The following MYO1E variants were observed in gnomAD, a reference collection of about 807,000 sequenced individuals.
MYO1E encodes myosin IE.
In MYO1E, 68 loss-of-function variants were observed where a neutral mutation model predicts 151.1. The observed-to-expected ratio is 0.45, with a 90% CI of 0.37 to 0.55. MYO1E has a LOEUF of 0.55. Ranked by LOEUF, MYO1E falls within the 20% of genes least tolerant of loss-of-function variation. The pLI, the probability that MYO1E is intolerant of heterozygous loss-of-function variation, is 0.00. For synonymous variants in MYO1E, 601 were observed against 501.7 expected (o/e 1.20, Z -2.64); for missense variants, 1,363 against 1,389.3 (o/e 0.98, Z 0.30).
In MYO1E at chr15:59,218,170, T is replaced by G. The variant is rs538894173; in HGVS notation, c.911-83A>C. On this transcript the variant is annotated intron_variant, in intron 9 of 27. Coordinates refer to ENST00000288235, the MANE Select transcript of MYO1E (RefSeq NM_004998.4). ...TCTCACAAACATATGGAGGCACTTA[T>G]GTGCACATGCACGTGTGTGTGCATA... 8 of 1,511,424 alleles carry G rather than the reference T, an allele frequency of 5.3e-6. No homozygotes were observed. In the African/African-American group the frequency reaches 9.6e-5, roughly 18 times the overall value. 93.6% of individuals were successfully genotyped at this position (1,511,424 alleles called of 1,614,324 possible). A position where few individuals can be genotyped will look rare whatever the true frequency, so the allele number is the denominator to read the frequency against.
At position 59,372,487 on chromosome 15, in the gene MYO1E, G is replaced by T; in HGVS notation, c.3+11C>A. On this transcript the variant is annotated intron_variant, in intron 1 of 27. Transcript: ENST00000288235. Reference sequence around the variant, plus strand: ...GGTCCGGCGTCCTAGGACGCGGCGCGGCCAACTCACCATGGTGACTCGCGC... The same window carrying T: ...GGTCCGGCGTCCTAGGACGCGGCGCTGCCAACTCACCATGGTGACTCGCGC... The T allele has an allele frequency of 6.5e-7, 1 of 1,539,104 alleles. No homozygotes were observed. Among genetic ancestry groups the T allele is most frequent in the Non-Finnish European group, 8.7e-7 (1 of 1,145,148 alleles).
intron 4 of MYO1E, among the ~76,000 whole-genome samples, chr15:59,246,029 A>AT (rs2140363742): frequency 1.3e-5 from 2 of 152,338 alleles, no homozygotes; most frequent in African/African-American, 4.8e-5. Flanking sequence ...AGCTAAGCAG[A>AT]TATGGGTGGC....
At chr15:59,143,371 G>C (rs1199814898) in intron 26 of MYO1E, among the ~76,000 whole-genome samples, 1 of 152,138 alleles carries the variant, frequency 6.6e-6, no homozygotes, top group East Asian at 1.9e-4. Flanking sequence ...GGAGGAGGGA[G>C]GACCTCTGCA....
At chr15:59,258,959 T>C (rs2080209944) in intron 3 of MYO1E, among the ~76,000 whole-genome samples, 1 of 151,914 alleles carries the variant, frequency 6.6e-6, no homozygotes, top group Non-Finnish European at 1.5e-5. Context: ...CTCTTGTTTT[T>C]TTTTGTTTTT....
At chr15:59,237,910 G>T (rs1383612937) in intron 4 of MYO1E, among the ~76,000 whole-genome samples, 1 of 152,170 alleles carries the variant, frequency 6.6e-6, no homozygotes, top group African/African-American at 2.4e-5. Context: ...GAATTTCCTT[G>T]AACTAATAAT....
intron 4 of MYO1E, among the ~76,000 whole-genome samples, chr15:59,255,838 C>T (rs1248882156): frequency 6.6e-6 from 1 of 152,210 alleles, no homozygotes; most frequent in African/African-American, 2.4e-5. Context: ...GACTTAAACC[C>T]AGCCAGGATT....
intron 1 of MYO1E, among the ~76,000 whole-genome samples, chr15:59,311,204 A>G (rs1436144983): frequency 6.6e-6 from 1 of 152,062 alleles, no homozygotes; most frequent in Non-Finnish European, 1.5e-5. Flanking sequence ...GACACCAGGG[A>G]CAGGTTTTGT....
intron 4 of MYO1E, among the ~76,000 whole-genome samples, chr15:59,238,244 C>G (rs1272084626): frequency 1.3e-5 from 2 of 152,278 alleles, no homozygotes; most frequent in East Asian, 3.9e-4. Context: ...TTACTAGATC[C>G]AGGGTCAACA....
chr15:59,258,340 G>A (rs1187762770), intron 3 of MYO1E, among the ~76,000 whole-genome samples: 3 of 152,186 alleles, frequency 2.0e-5, no homozygotes, highest in South Asian at 2.1e-4. Flanking sequence ...GCGAGACTCC[G>A]TCTCAAAACA....
chr15:59,244,478 A>C (rs1332702988), intron 4 of MYO1E, among the ~76,000 whole-genome samples: 1 of 152,222 alleles, frequency 6.6e-6, no homozygotes, highest in African/African-American at 2.4e-5. Context: ...AGATGAAGTA[A>C]CTGAGGCTTG....
intron 12 of MYO1E, among the ~76,000 whole-genome samples, chr15:59,213,114 G>A (rs2079889900): frequency 6.7e-6 from 1 of 149,022 alleles, no homozygotes; most frequent in Non-Finnish European, 1.5e-5. Context: ...AGGAAACAAT[G>A]GAAACTGCAC....
chr15:59,361,528 G>T (rs1198580399), intron 1 of MYO1E, among the ~76,000 whole-genome samples: 2 of 152,156 alleles, frequency 1.3e-5, no homozygotes, highest in African/African-American at 4.8e-5. Context: ...AATGTTAGTT[G>T]TAATTCTTGG....
chr15:59,240,763 C>T (rs1023792830), intron 4 of MYO1E, among the ~76,000 whole-genome samples: 4 of 152,144 alleles, frequency 2.6e-5, no homozygotes, highest in Non-Finnish European at 5.9e-5. Context: ...GCTGAATCAA[C>T]GTAATTGAAA....
At chr15:59,198,722 G>C (rs141135748) in intron 16 of MYO1E, among the ~76,000 whole-genome samples, 47 of 152,204 alleles carry the variant, frequency 3.1e-4, no homozygotes, top group African/African-American at 1.1e-3. Flanking sequence ...GGGAGGATGA[G>C]GCAGGAGGAT....
intron 1 of MYO1E, among the ~76,000 whole-genome samples, chr15:59,369,960 C>G (rs1253352062): frequency 2.0e-5 from 3 of 151,948 alleles, no homozygotes; most frequent in Admixed American, 6.6e-5. Flanking sequence ...CAAGGGCCTT[C>G]TTTTTCTTCT....
Position 59,136,781 on chromosome 15 carries a change from C to G in MYO1E, c.*599G>C, listed in dbSNP as rs765397977. ...CCCCCAGCCCCCAGCCCCTGACCTG[C>G]TTGGCGGCCCTGATGGTCCCGGCAA... is the stretch of plus-strand genomic sequence containing the variant. On this transcript the variant is annotated 3_prime_UTR_variant, in exon 28 of 28. Coordinates refer to ENST00000288235, the MANE Select transcript of MYO1E (RefSeq NM_004998.4). 3.9e-5 allele frequency: 18 copies of G among 455,702 alleles called. No individual in the cohort carries two copies. The highest frequency in any genetic ancestry group is 7.5e-5 in the Non-Finnish European group (17 of 226,784). 28.2% of individuals were successfully genotyped at this position (455,702 alleles called of 1,614,324 possible).
intron 13 of MYO1E, 56 bp from the exon 14 acceptor site, chr15:59,208,904 G>GCTTAA (rs2079858864): frequency 6.2e-7 from 1 of 1,600,594 alleles, no homozygotes. Context: ...AACAGACAAT[G>GCTTAA]CTTATCAGGT....
chr15:59,165,490 T>C (rs553281371), intron 22 of MYO1E, among the ~76,000 whole-genome samples: 1 of 152,242 alleles, frequency 6.6e-6, no homozygotes, highest in African/African-American at 2.4e-5. Context: ...ATCATAGCCA[T>C]GCTTCTTGCC....
chr15:59,179,400 G>A (rs114365625), intron 18 of MYO1E, among the ~76,000 whole-genome samples: 2 of 152,178 alleles, frequency 1.3e-5, no homozygotes, highest in African/African-American at 4.8e-5. Flanking sequence ...AGAGCTCCAG[G>A]AGACCGGATG....
Sources: gnomAD v4.1 joint callset for allele counts (sites outside exome capture counted in the v4.1 genomes callset) on GRCh38, gnomAD v4.1.1 for gene constraint, MANE v1.5 for transcripts, NCBI Gene and HGNC (gene_info 2026-07-23, HGNC 2026-07-21) for gene names.